The following MACROD2 variants were observed in gnomAD, a reference collection of about 807,000 sequenced individuals.
MACROD2 encodes the protein mono-ADP ribosylhydrolase 2.
A neutral mutation model predicts 70.4 loss-of-function variants in MACROD2; 36 were observed. The ratio of observed to expected loss-of-function variants is 0.51; its 90% confidence interval spans 0.39 to 0.68. The LOEUF is 0.68. Among genes scored for constraint, MACROD2 ranks in the 30% least tolerant of loss-of-function variants. MACROD2 has a pLI of 0.00. For synonymous variants in MACROD2, 172 were observed against 178.8 expected (o/e 0.96, Z 0.30); for missense variants, 496 against 538.4 (o/e 0.92, Z 0.78).
chr20:15,283,623 G>A (rs1364219173), intron 6 of MACROD2, among the ~76,000 whole-genome samples: 1 of 151,974 alleles, frequency 6.6e-6, no homozygotes, highest in Admixed American at 6.6e-5. Flanking sequence ...AGTGAGCCGA[G>A]TTCACGCCAT....
rs2074769454 is a variant in MACROD2, at chr20:14,978,886, TATATATATTATATAA to T, written c.419-251053_419-251039del. Among the ~76,000 whole-genome samples, 3 of 12,932 alleles carry T rather than the reference TATATATATTATATAA, an allele frequency of 2.3e-4. No homozygotes were observed. In the Admixed American group the frequency reaches 3.5e-3, roughly 15 times the overall value. The allele number at this position is 12,932 out of a possible 152,430, so 8.5% of individuals were successfully genotyped here. On this transcript the variant is annotated intron_variant, in intron 5 of 17. Transcript: ENST00000684519. The stretch of plus-strand genomic sequence containing the variant: ...ATAATATATTATATAATATATAAAA[TATATATATTATATAA>T]TATATTATATATAATATATATCATA...
intron 3 of MACROD2, among the ~76,000 whole-genome samples, chr20:14,168,919 C>G (rs1230134969): frequency 1.3e-5 from 2 of 152,160 alleles, no homozygotes; most frequent in Non-Finnish European, 2.9e-5. Context: ...AACTATGGCC[C>G]AATGTCCCTG....
chr20:15,392,113 T>G (rs1158288881), intron 6 of MACROD2, among the ~76,000 whole-genome samples: 2 of 150,984 alleles, frequency 1.3e-5, no homozygotes, highest in Admixed American at 1.3e-4. Flanking sequence ...TTTGGTAAAT[T>G]CAGATAATGC....
intron 5 of MACROD2, among the ~76,000 whole-genome samples, chr20:14,761,068 A>C (rs1425166530): frequency 1.3e-5 from 2 of 151,974 alleles, no homozygotes; most frequent in African/African-American, 2.4e-5. Flanking sequence ...GTCTATTGAA[A>C]TCTTGCCCTT....
chr20:14,866,612 T>C (rs967914139), intron 5 of MACROD2, among the ~76,000 whole-genome samples: 9 of 152,122 alleles, frequency 5.9e-5, no homozygotes, highest in African/African-American at 1.7e-4. Context: ...CAACAGTTAA[T>C]CTACAATGCT....
At chr20:14,560,634 T>G (rs997847840) in intron 4 of MACROD2, among the ~76,000 whole-genome samples, 1 of 151,904 alleles carries the variant, frequency 6.6e-6, no homozygotes, top group Non-Finnish European at 1.5e-5. Flanking sequence ...TTTTCTGAAG[T>G]GATTTTCTTG....
chr20:15,560,844 CAT>C, intron 8 of MACROD2, among the ~76,000 whole-genome samples: 1 of 142,478 alleles, frequency 7.0e-6, no homozygotes, highest in East Asian at 2.1e-4. Context: ...TTCTTGGACA[CAT>C]AATTTTGCTT....
At chr20:14,569,118 T>A (rs1980014314) in intron 4 of MACROD2, among the ~76,000 whole-genome samples, 1 of 152,102 alleles carries the variant, frequency 6.6e-6, no homozygotes, top group Non-Finnish European at 1.5e-5. Flanking sequence ...AATCTTTTTC[T>A]GTCCTTTGTC....
At position 14,600,339 on chromosome 20, in the gene MACROD2, TATATACACACACACACACACACACACAA is replaced by T. The variant is rs1194397030; in HGVS notation, c.302-84498_302-84471del. Among the ~76,000 whole-genome samples, 3 of 142,620 alleles carry T rather than the reference TATATACACACACACACACACACACACAA, an allele frequency of 2.1e-5. No homozygotes were observed. The East Asian group carries it at 6.0e-4, about 28-fold the overall frequency. The allele number at this position is 142,620 out of a possible 152,430, so 93.6% of individuals were successfully genotyped here. ...TAATATGCAGCTACATATATATATATATATACACACACACACACACACACACAAATATATATACTATATATACACATAT... is the reference window on the plus strand; with the variant it reads ...TAATATGCAGCTACATATATATATATATATATATACTATATATACACATAT... On this transcript the variant is annotated intron_variant, in intron 4 of 17. Transcript: ENST00000684519.
intron 5 of MACROD2, among the ~76,000 whole-genome samples, chr20:14,781,035 A>G (rs2123785770): frequency 6.6e-6 from 1 of 152,204 alleles, no homozygotes; most frequent in African/African-American, 2.4e-5. Context: ...AATATTTATG[A>G]TATTTTTGTG....
At chr20:15,821,179 T>A (rs562868235) in intron 8 of MACROD2, among the ~76,000 whole-genome samples, 2 of 152,326 alleles carry the variant, frequency 1.3e-5, no homozygotes, top group African/African-American at 4.8e-5. Context: ...TATATTTCCT[T>A]AAAGCATTGC....
At chr20:15,273,388 G>A (rs1027789490) in intron 6 of MACROD2, among the ~76,000 whole-genome samples, 3 of 151,174 alleles carry the variant, frequency 2.0e-5, no homozygotes, top group African/African-American at 7.3e-5. Context: ...GACCTTGTGA[G>A]CATGTTTAAT....
chr20:14,533,497 G>C (rs1373098612), intron 4 of MACROD2, among the ~76,000 whole-genome samples: 1 of 152,014 alleles, frequency 6.6e-6, no homozygotes, highest in Non-Finnish European at 1.5e-5. Context: ...ATGACCTCTA[G>C]GTTTAGGTTT....
intron 8 of MACROD2, among the ~76,000 whole-genome samples, chr20:15,722,332 C>G (rs2050798301): frequency 6.6e-6 from 1 of 152,088 alleles, no homozygotes; most frequent in Non-Finnish European, 1.5e-5. Flanking sequence ...GAGGTTGTAC[C>G]AAATTGACAC....
intron 15 of MACROD2, among the ~76,000 whole-genome samples, chr20:16,035,147 A>G (rs2067213075): frequency 1.1e-5 from 1 of 94,632 alleles, no homozygotes; most frequent in Non-Finnish European, 2.0e-5. Context: ...TATATATTAT[A>G]TATAAAATAT....
intron 13 of MACROD2, among the ~76,000 whole-genome samples, chr20:15,984,925 G>A (rs2066456808): frequency 6.6e-6 from 1 of 152,052 alleles, no homozygotes; most frequent in Admixed American, 6.6e-5. Flanking sequence ...AACTGCTGTT[G>A]GGGGGAAGGG....
chr20:14,501,807 T>C (rs777616234), intron 4 of MACROD2, among the ~76,000 whole-genome samples: 6 of 152,170 alleles, frequency 3.9e-5, no homozygotes, highest in Non-Finnish European at 7.4e-5. Flanking sequence ...TAGGCTCTTA[T>C]AAGTTCTCTC....
rs925284018 is a variant in MACROD2 at position 15,924,627 on chromosome 20, T to C, written c.776-8649T>C. Among the ~76,000 whole-genome samples, 12 of 152,328 alleles carry C rather than the reference T, an allele frequency of 7.9e-5. No homozygotes were observed. In the East Asian group the frequency reaches 2.3e-3, roughly 29 times the overall value. ...ACTCCTAAAGGGAAAGGCTTTTGTC[T>C]TCTGAATAGCCTAATTTATTCTCTC... On this transcript the variant is annotated intron_variant, in intron 10 of 17. Coordinates refer to ENST00000684519, the MANE Select transcript of MACROD2 (RefSeq NM_001351661.2).
At chr20:15,275,316 C>T (rs971187162) in intron 6 of MACROD2, among the ~76,000 whole-genome samples, 3 of 152,200 alleles carry the variant, frequency 2.0e-5, no homozygotes, top group Non-Finnish European at 4.4e-5. Context: ...GTACAACATG[C>T]AGCACCTTGT....
Sources: allele counts gnomAD v4.1 joint callset (sites outside exome capture counted in the v4.1 genomes callset), GRCh38; gene constraint gnomAD v4.1.1; transcripts MANE v1.5; gene names NCBI Gene and HGNC (gene_info 2026-07-23, HGNC 2026-07-21).